DPP6: variants seen among roughly 807,000 people sequenced by gnomAD.
The protein encoded by DPP6 is dipeptidyl peptidase like 6.
Under a neutral mutation model 122.6 loss-of-function variants are expected in DPP6, and 69 were observed. The observed-to-expected ratio is 0.56, with a 90% CI of 0.46 to 0.69. The LOEUF is 0.69. DPP6 is among the 30% of genes least tolerant of loss of function. The pLI is 0.00. For missense variants in DPP6, 928 were observed against 1,116.9 expected, an observed-to-expected ratio of 0.83 and a Z score of 2.41; for synonymous variants, 418 against 433.1, an observed-to-expected ratio of 0.97 and a Z score of 0.43.
the DPP6 span, among the ~76,000 whole-genome samples, chr7:153,857,830 C>G: frequency 6.6e-6 from 1 of 152,170 alleles, no homozygotes; most frequent in Non-Finnish European, 1.5e-5. Flanking sequence ...TTTAAGAACA[C>G]CACCACATAC....
intron 5 of DPP6, among the ~76,000 whole-genome samples, chr7:154,634,678 T>C (rs13220984): frequency 7.3e-6 from 1 of 136,144 alleles, no homozygotes; most frequent in Non-Finnish European, 1.7e-5. Flanking sequence ...CTTCCCCTTC[T>C]CCTTCTCCTT....
intron 1 of DPP6, among the ~76,000 whole-genome samples, chr7:154,382,186 C>A (rs75666417): frequency 4.0e-5 from 6 of 151,484 alleles, no homozygotes; most frequent in Admixed American, 6.6e-5. Flanking sequence ...CAAAATCGTC[C>A]GCATTTTTTT....
At chr7:154,155,970 C>T (rs1796657519) in intron 1 of DPP6, among the ~76,000 whole-genome samples, 1 of 152,222 alleles carries the variant, frequency 6.6e-6, no homozygotes, top group Non-Finnish European at 1.5e-5. Flanking sequence ...GGGCCCCAGG[C>T]CTGGCAGTGC....
At chr7:153,904,399 G>T (rs768595144) in intron 1 of DPP6, among the ~76,000 whole-genome samples, 4 of 152,006 alleles carry the variant, frequency 2.6e-5, no homozygotes, top group Non-Finnish European at 5.9e-5. Flanking sequence ...TTTACACTTG[G>T]GGCATTTTCC....
chr7:154,137,895 C>T (rs889983492), intron 1 of DPP6, among the ~76,000 whole-genome samples: 1 of 152,150 alleles, frequency 6.6e-6, no homozygotes, highest in Non-Finnish European at 1.5e-5. Context: ...GCTTCTTCCT[C>T]CAGAAGTATG....
intron 1 of DPP6, among the ~76,000 whole-genome samples, chr7:153,911,916 T>A (rs73163445): frequency 0.098 from 14,953 of 152,336 alleles, 935 homozygotes; most frequent in Middle Eastern, 0.19. Context: ...AGTAAGGTGA[T>A]AATCCAAATC....
chr7:154,588,549 A>G (rs987125558), intron 5 of DPP6: 1 of 156,088 alleles, frequency 6.4e-6, no homozygotes, highest in Non-Finnish European at 1.4e-5. Flanking sequence ...CCAACAGGTT[A>G]TACTTAACTG....
intron 1 of DPP6, among the ~76,000 whole-genome samples, chr7:154,013,061 A>G (rs1798219827): frequency 6.6e-6 from 1 of 152,166 alleles, no homozygotes; most frequent in East Asian, 1.9e-4. Flanking sequence ...TCCCACATTA[A>G]GGCCACTGCT....
chr7:154,554,935 G>T (rs1163205591), intron 4 of DPP6, among the ~76,000 whole-genome samples: 1 of 152,084 alleles, frequency 6.6e-6, no homozygotes, highest in Non-Finnish European at 1.5e-5. Flanking sequence ...CTGAAAAAGG[G>T]ATCTGATAAA....
intron 1 of DPP6, among the ~76,000 whole-genome samples, chr7:154,296,998 T>G (rs1276341047): frequency 2.6e-5 from 4 of 152,020 alleles, no homozygotes; most frequent in Non-Finnish European, 4.4e-5. Flanking sequence ...TGTACTGCCT[T>G]AAGCAGTGTA....
At chr7:153,974,617 T>C (rs1224328081) in intron 1 of DPP6, among the ~76,000 whole-genome samples, 2 of 152,220 alleles carry the variant, frequency 1.3e-5, no homozygotes, top group Admixed American at 1.3e-4. Context: ...CTCTTTCTTT[T>C]GGATTCTCTC....
chr7:154,752,095 T>G (rs1242398627), intron 8 of DPP6, among the ~76,000 whole-genome samples: 1 of 152,132 alleles, frequency 6.6e-6, no homozygotes, highest in East Asian at 1.9e-4. Flanking sequence ...ATCTTTGTTT[T>G]TCTCATATAG....
chr7:154,353,104 C>T (rs151107128), intron 1 of DPP6, among the ~76,000 whole-genome samples: 2 of 152,224 alleles, frequency 1.3e-5, no homozygotes, highest in Middle Eastern at 3.2e-3. Flanking sequence ...CCTGCAGAAT[C>T]CTAGGGCCCA....
At chr7:153,851,657 A>G in the DPP6 span, among the ~76,000 whole-genome samples, 1 of 152,180 alleles carries the variant, frequency 6.6e-6, no homozygotes, top group Non-Finnish European at 1.5e-5. Flanking sequence ...TTTATAAAGA[A>G]TAATTTCAAT....
intron 21 of DPP6, among the ~76,000 whole-genome samples, chr7:154,883,335 C>CACACACACGCTCAT (rs1491568760): frequency 1.4e-5 from 2 of 144,598 alleles, no homozygotes; most frequent in Admixed American, 6.9e-5. Flanking sequence ...CACATGGTGT[C>CACACACACGCTCAT]ACACACACGC....
chr7:154,254,428 G>A (rs79945308), intron 1 of DPP6, among the ~76,000 whole-genome samples: 3,166 of 152,310 alleles, frequency 0.021, 123 homozygotes, highest in African/African-American at 0.072. Context: ...TAAAATCCAT[G>A]AAGTGATAGC....
chr7:153,769,996 CT>C, the DPP6 span, among the ~76,000 whole-genome samples: 1 of 152,076 alleles, frequency 6.6e-6, no homozygotes, highest in Non-Finnish European at 1.5e-5. Context: ...CTCTTGAAGA[CT>C]TTTTCTTTGT....
chr7:154,329,851 A>G (rs1370837049), intron 1 of DPP6, among the ~76,000 whole-genome samples: 6 of 152,228 alleles, frequency 3.9e-5, no homozygotes, highest in Non-Finnish European at 7.3e-5. Context: ...TGCAGCCATA[A>G]AAAAGAATGA....
At chr7:154,670,987 A>C (rs145980847) in intron 7 of DPP6, among the ~76,000 whole-genome samples, 1 of 152,326 alleles carries the variant, frequency 6.6e-6, no homozygotes, top group African/African-American at 2.4e-5. Flanking sequence ...TGACAGGAGG[A>C]AGTGAGGCAG....
Sources: gnomAD v4.1 joint callset for allele counts (sites outside exome capture counted in the v4.1 genomes callset) on GRCh38, gnomAD v4.1.1 for gene constraint, MANE v1.5 for transcripts, NCBI Gene and HGNC (gene_info 2026-07-23, HGNC 2026-07-21) for gene names.